Variants in OCSTAMP observed in about 807,000 individuals in gnomAD.
OCSTAMP encodes the protein osteoclast stimulatory transmembrane protein, also known as transmembrane protein C20orf123.
A neutral mutation model predicts 25.2 loss-of-function variants in OCSTAMP; 17 were observed. That is an observed-to-expected ratio of 0.68 (90% CI 0.46 to 1.01). The LOEUF is 1.01. Among genes scored for constraint, OCSTAMP ranks in the 50% least tolerant of loss-of-function variants. The pLI, the probability that OCSTAMP is intolerant of heterozygous loss-of-function variation, is 0.00. For missense variants in OCSTAMP, 664 were observed against 694.6 expected (o/e 0.96, Z 0.50); for synonymous variants, 345 against 318.9 (o/e 1.08, Z -0.87).
intron 2 of OCSTAMP, among the ~76,000 whole-genome samples, chr20:46,542,198 T>G (rs1422140060): frequency 1.3e-5 from 2 of 152,230 alleles, no homozygotes; most frequent in African/African-American, 2.4e-5. Context: ...GTTTGCTCCT[T>G]GCTGAGTCCT....
In OCSTAMP at chr20:46,545,864, T is replaced by C. The variant is rs1328615003; in HGVS notation, c.510A>G (p.Ala170=). 1.3e-6 allele frequency: 2 copies of C among 1,551,362 alleles called. No homozygotes were observed. The highest frequency in any genetic ancestry group is 1.4e-5 in the African/African-American group (1 of 73,178). ...GGCCTGTGGGGCCCAGAGCCCTGGA[T>C]GCTGCATGCAGCTGGTGAGTGGTAT... The part of the protein sequence containing the change: ...LLNTTHQLHA[A]SRALGPTGQA... Residue 170 remains alanine, a synonymous_variant, in exon 2 of 3, where the codon GCA becomes GCG. Transcript: ENST00000279028.
At position 46,545,561 on chromosome 20, in the gene OCSTAMP, C is replaced by G; in HGVS notation, c.813G>C (p.Gln271His). Residue 271 changes from glutamine (Q) to histidine (H), a missense_variant, in exon 2 of 3, where the codon CAG (glutamine) becomes CAC (histidine). Transcript: ENST00000279028. ...QQLTQRLAQAQATHLLAPPPT... is the reference protein window; with the variant it reads ...QQLTQRLAQAHATHLLAPPPT... ...GTGGAGGGGCCAGGAGGTGTGTAGCCTGGGCCTGTGCCAACCGCTGGGTCA... is the reference window on the plus strand; with the variant it reads ...GTGGAGGGGCCAGGAGGTGTGTAGCGTGGGCCTGTGCCAACCGCTGGGTCA... 6.4e-7 allele frequency: 1 copy of G among 1,551,676 alleles called. No homozygotes were observed. Among genetic ancestry groups the G allele is most frequent in the Non-Finnish European group, 8.7e-7 (1 of 1,146,978 alleles).
At chr20:46,544,648 A>G (rs1223440979) in intron 2 of OCSTAMP, among the ~76,000 whole-genome samples, 1 of 152,248 alleles carries the variant, frequency 6.6e-6, no homozygotes, top group African/African-American at 2.4e-5. Flanking sequence ...AATATTTTCT[A>G]TATCACTATT....
chr20:46,545,414 G>A lies in OCSTAMP; in HGVS notation c.960C>T (p.Asp320=), dbSNP rs191128802. The change falls in exon 2 of 3, where the codon GAC becomes GAT. Residue 320 remains aspartate, a synonymous_variant. Coordinates refer to ENST00000279028, the MANE Select transcript of OCSTAMP (RefSeq NM_080721.3). ...CCTGTGCCAGGAGGAAGGCTACATG[G>A]TCTGTGGCCACCGCCACAGCCGTGG... ...LVATAVAVAT[D]HVAFLLAQAT... is the part of the protein sequence containing the mutation. The A allele has an allele frequency of 1.9e-6, 3 of 1,549,444 alleles. No homozygotes were observed. The highest frequency in any genetic ancestry group is 1.2e-5 in the South Asian group (1 of 83,800).
rs1306978688 is a variant in OCSTAMP at position 46,545,951 on chromosome 20, G to T, written c.423C>A (p.Asn141Lys). 1 of 1,551,394 alleles carries T rather than the reference G, an allele frequency of 6.4e-7. No homozygotes were observed. The change falls in exon 2 of 3, where the codon AAC (asparagine) becomes AAA (lysine). Residue 141 changes from asparagine (N) to lysine (K), a missense_variant. Asn to Lys is a moderately conservative substitution (Grantham distance 94). Coordinates refer to ENST00000279028, the MANE Select transcript of OCSTAMP (RefSeq NM_080721.3). ...AIAVVPNVLA[N>K]VGAAGQVLRC... The stretch of plus-strand genomic sequence containing the variant: ...TCAGCACCTGCCCGGCCGCACCCAC[G>T]TTGGCCAGGACGTTGGGCACCACAG...
Position 46,541,939 on chromosome 20 carries a change from A to T in OCSTAMP, c.1048-12T>A. On this transcript the variant is annotated splice_polypyrimidine_tract_variant and intron_variant, in intron 2 of 2. Coordinates refer to ENST00000279028, the MANE Select transcript of OCSTAMP (RefSeq NM_080721.3). Reference sequence around the variant, plus strand: ...ACAGTGTATGCCACCTTGGGAAAGGAGAAAAAGGCAGGGTCAACTGAGGGC... The same window carrying T: ...ACAGTGTATGCCACCTTGGGAAAGGTGAAAAAGGCAGGGTCAACTGAGGGC... The T allele has an allele frequency of 7.0e-7, 1 of 1,418,784 alleles. No individual in the cohort carries two copies. The highest frequency in any genetic ancestry group is 2.4e-4 in the Middle Eastern group (1 of 4,104). The allele number at this position is 1,418,784 out of a possible 1,614,324, so 87.9% of individuals were successfully genotyped here.
chr20:46,541,273 G>C lies in OCSTAMP; in HGVS notation c.*1C>G. ...TTCGCCTTTGCATGGTTCTTTACCG[G>C]TTATCCAGGCCTATCATGCCCAGTA... On this transcript the variant is annotated 3_prime_UTR_variant, in exon 3 of 3. Coordinates refer to ENST00000279028, the MANE Select transcript of OCSTAMP (RefSeq NM_080721.3). 1.4e-6 allele frequency: 1 copy of C among 720,478 alleles called. No individual in the cohort carries two copies. Among genetic ancestry groups the C allele is most frequent in the Non-Finnish European group, 2.6e-6 (1 of 386,900 alleles). 44.6% of individuals were successfully genotyped at this position (720,478 alleles called of 1,614,324 possible).
Position 46,541,515 on chromosome 20 carries a change from T to C in OCSTAMP, c.1460A>G (p.Asp487Gly), listed in dbSNP as rs1306437436. 1.3e-6 allele frequency: 2 copies of C among 1,551,708 alleles called. No individual in the cohort carries two copies. The highest frequency in any genetic ancestry group is 2.4e-5 in the South Asian group (2 of 84,062). Residue 487 changes from aspartate (D) to glycine (G), a missense_variant, in exon 3 of 3, where the codon GAT becomes GGT. Physicochemically the swap from Asp to Gly is moderately conservative, Grantham distance 94. Transcript: ENST00000279028. ...KPPAWIDYRLDALRTESSEGE... is the reference protein window; with the variant it reads ...KPPAWIDYRLGALRTESSEGE... ...CTCACTGCTCTCGGTTCTTAAGGCA[T>C]CCAGCCTGTAGTCTATCCATGCCGG...
chr20:46,542,030 G>A, intron 2 of OCSTAMP, 103 bp from the exon 3 acceptor site: 1 of 1,351,306 alleles, frequency 7.4e-7, no homozygotes, highest in East Asian at 2.8e-5. Context: ...TCTGCAAAAT[G>A]GTTACAGAAA....
At chr20:46,550,097 C>A (rs562786288) in intron 1 of OCSTAMP, among the ~76,000 whole-genome samples, 3 of 152,260 alleles carry the variant, frequency 2.0e-5, no homozygotes, top group Non-Finnish European at 1.5e-5. Context: ...GGACTAAACA[C>A]CCCCTTCTAC....
Position 46,545,776 on chromosome 20 carries a change from T to C in OCSTAMP, c.598A>G (p.Met200Val). The C allele has an allele frequency of 6.4e-7, 1 of 1,551,382 alleles. No homozygotes were observed. Among genetic ancestry groups the C allele is most frequent in the Non-Finnish European group, 8.7e-7 (1 of 1,146,954 alleles). Residue 200 changes from methionine (M) to valine (V), a missense_variant, in exon 2 of 3, where the codon ATG becomes GTG. By Grantham distance (21) the Met-to-Val change is conservative (BLOSUM62 1). Transcript: ENST00000279028. ...AGGACCTGCTGAGTGACCCTGAGCATGTGAAGGTAGAAGGCAGAGCCATTG... is the reference window on the plus strand; with the variant it reads ...AGGACCTGCTGAGTGACCCTGAGCACGTGAAGGTAGAAGGCAGAGCCATTG... Reference protein sequence around the residue: ...QDNGSAFYLHMLRVTQQVLED... With the variant: ...QDNGSAFYLHVLRVTQQVLED...
chr20:46,545,199 C>T (rs753884378), intron 2 of OCSTAMP, 128 bp downstream of exon 2: 2 of 999,382 alleles, frequency 2.0e-6, no homozygotes, highest in East Asian at 2.8e-5. Flanking sequence ...TGGTATGGGG[C>T]CCCATGGATG....
chr20:46,543,851 T>C (rs1024359866), intron 2 of OCSTAMP, among the ~76,000 whole-genome samples: 3 of 152,116 alleles, frequency 2.0e-5, no homozygotes, highest in Admixed American at 6.6e-5. Context: ...TGAAAATGAG[T>C]AAATCAGGGA....
Position 46,546,181 on chromosome 20 carries a change from G to A in OCSTAMP, c.193C>T (p.Leu65=). Residue 65 remains leucine, a synonymous_variant, in exon 2 of 3, where the codon CTG becomes TTG. Transcript: ENST00000279028. ...AAGGATGCCAGCCAGTGATAAACCAGACCTGCAGCAGCAGCAGCCAGGGAG... is the reference window on the plus strand; with the variant it reads ...AAGGATGCCAGCCAGTGATAAACCAAACCTGCAGCAGCAGCAGCCAGGGAG... ...CASLAAAAAG[L]VYHWLASLLL... is the part of the protein sequence containing the mutation. The A allele has an allele frequency of 6.4e-7, 1 of 1,551,810 alleles. No individual in the cohort carries two copies. Among genetic ancestry groups the A allele is most frequent in the Non-Finnish European group, 8.7e-7 (1 of 1,147,014 alleles).
chr20:46,541,739 C>G lies in OCSTAMP; in HGVS notation c.1236G>C (p.Ala412=). 8 of 1,546,022 alleles carry G rather than the reference C, an allele frequency of 5.2e-6. No individual in the cohort carries two copies. Among genetic ancestry groups the G allele is most frequent in the Non-Finnish European group, 7.0e-6 (8 of 1,145,112 alleles). The part of the protein sequence containing the change: ...PLAAGALQLL[A]GSTVLLEAYA... ...AGGCCTCCAGGAGCACCGTGGAGCC[C>G]GCCAGGAGCTGCAGGGCCCCCGCGG... is the stretch of plus-strand genomic sequence containing the variant. Residue 412 remains alanine (A), a synonymous_variant, in exon 3 of 3, where the codon GCG becomes GCC. Transcript: ENST00000279028.
chr20:46,546,015 C>T lies in OCSTAMP; in HGVS notation c.359G>A (p.Arg120Gln), dbSNP rs546365032. 52 of 1,551,330 alleles carry T rather than the reference C, an allele frequency of 3.4e-5. No individual in the cohort carries two copies. Among genetic ancestry groups the T allele is most frequent in the Admixed American group, 1.4e-4 (7 of 51,006 alleles). The change falls in exon 2 of 3, where the codon CGG becomes CAG. Residue 120 changes from arginine (R) to glutamine (Q), a missense_variant. Physicochemically the swap from Arg to Gln is conservative, Grantham distance 43. Coordinates refer to ENST00000279028, the MANE Select transcript of OCSTAMP (RefSeq NM_080721.3). ...GGCAGTGCTGTAGGACAGGAGCAGC[C>T]GGCGGCCCTGCTCCATACCCAGGGT... is the stretch of plus-strand genomic sequence containing the variant. ...VPTLGMEQGR[R>Q]LLLSYSTATL...
chr20:46,548,322 A>G (rs898749712), intron 1 of OCSTAMP, among the ~76,000 whole-genome samples: 5 of 151,896 alleles, frequency 3.3e-5, no homozygotes, highest in Admixed American at 1.3e-4. Context: ...ACTAGAGTCA[A>G]CTCCACCGGA....
Position 46,545,436 on chromosome 20 carries a change from G to C in OCSTAMP, c.938C>G (p.Thr313Arg). 1 of 1,550,952 alleles carries C rather than the reference G, an allele frequency of 6.4e-7. No homozygotes were observed. The change falls in exon 2 of 3, where the codon ACG (threonine) becomes AGG (arginine). Residue 313 changes from threonine (T) to arginine (R), a missense_variant. Physicochemically the swap from Thr to Arg is moderately conservative, Grantham distance 71. Transcript: ENST00000279028. ...LGLLALLLVA[T>R]AVAVATDHVA... Reference sequence around the variant, plus strand: ...ATGGTCTGTGGCCACCGCCACAGCCGTGGCCACGAGGAGCAGGGCAAGCAG... The same window carrying C: ...ATGGTCTGTGGCCACCGCCACAGCCCTGGCCACGAGGAGCAGGGCAAGCAG...
In OCSTAMP at chr20:46,545,929, G is replaced by A; in HGVS notation, c.445C>T (p.Leu149=). The change falls in exon 2 of 3, where the codon CTG becomes TTG. Residue 149 remains leucine (L), a synonymous_variant. Transcript: ENST00000279028. ...LANVGAAGQV[L]RCVTEGSLES... is the part of the protein sequence containing the mutation. ...AGGGAGCCCTCGGTGACACACCTCA[G>A]CACCTGCCCGGCCGCACCCACGTTG... 6.4e-7 allele frequency: 1 copy of A among 1,551,354 alleles called. No homozygotes were observed. The highest frequency in any genetic ancestry group is 1.7e-4 in the Middle Eastern group (1 of 5,988).
Sources: allele counts gnomAD v4.1 joint callset (sites outside exome capture counted in the v4.1 genomes callset), GRCh38; gene constraint gnomAD v4.1.1; transcripts MANE v1.5; gene names NCBI Gene and HGNC (gene_info 2026-07-23, HGNC 2026-07-21).